MMS19: variants seen among roughly 807,000 people sequenced by gnomAD.
MMS19 encodes MMS19 cytosolic iron-sulfur assembly component, also known as MMS19 nucleotide excision repair protein homolog.
Under a neutral mutation model 129.8 loss-of-function variants are expected in MMS19, and 77 were observed. The ratio of observed to expected loss-of-function variants is 0.59; its 90% CI spans 0.49 to 0.72. The LOEUF (loss-of-function observed/expected upper bound fraction) is 0.72, where lower values mean the gene tolerates loss of function less well. Among genes scored for constraint, MMS19 ranks in the 30% least tolerant of loss-of-function variants. The probability of loss-of-function intolerance (pLI) is 0.00; values close to 1 mark genes in which losing one functional copy is unlikely to be tolerated. For missense variants in MMS19, 1,168 were observed against 1,266.3 expected (o/e 0.92, Z 1.18); for synonymous variants, 491 against 502.8 (o/e 0.98, Z 0.31).
rs1400738623 is a variant in MMS19, at chr10:97,478,615, A to G, written c.263-226T>C. ...ATCCATTCTCATACAGGTCCACAGT[A>G]AAACCCATTCTCAGCCCAAAACTGC... On this transcript the variant is annotated intron_variant, in intron 3 of 30. Transcript: ENST00000438925. 2.6e-5 allele frequency among the ~76,000 whole-genome samples: 4 copies of G among 152,200 alleles called. No homozygotes were observed. The East Asian group carries it at 7.7e-4, about 29-fold the overall frequency.
rs1198052955 is a variant in MMS19 at position 97,476,379 on chromosome 10, C to T, written c.684+304G>A. On this transcript the variant is annotated intron_variant, in intron 8 of 30. Transcript: ENST00000438925. ...AACAGCTATAGTACTACTCATTTTC[C>T]TACCTAATCTCCTATTGTTACTTAA... is the stretch of plus-strand genomic sequence containing the variant. 2.0e-5 allele frequency among the ~76,000 whole-genome samples: 3 copies of T among 152,204 alleles called. No homozygotes were observed. The East Asian group carries it at 5.8e-4, about 29-fold the overall frequency.
At chr10:97,485,595 G>C (rs1246215067) in intron 1 of MMS19, among the ~76,000 whole-genome samples, 2 of 152,154 alleles carry the variant, frequency 1.3e-5, no homozygotes, top group South Asian at 4.1e-4. Flanking sequence ...ACAGGCATGA[G>C]CCACTGCACC....
chr10:97,470,055 C>A, intron 10 of MMS19, 74 bp downstream of exon 10: 1 of 1,071,748 alleles, frequency 9.3e-7, no homozygotes, highest in East Asian at 2.6e-5. Flanking sequence ...CTTGGCTATC[C>A]TAGAATCTAT....
chr10:97,462,691 C>T lies in MMS19; in HGVS notation c.1913-9G>A, dbSNP rs1276187567. The T allele has an allele frequency of 6.9e-6, 11 of 1,585,462 alleles. No individual in the cohort carries two copies. The South Asian group carries it at 1.2e-4, about 18-fold the overall frequency. On this transcript the variant is annotated splice_polypyrimidine_tract_variant and intron_variant, in intron 19 of 30. Coordinates refer to ENST00000438925, the MANE Select transcript of MMS19 (RefSeq NM_022362.5). ...AACTGAGGGCTCCTTCTCTGCAAAA[C>T]ACACACACATGCACACAATCACAAG...
Position 97,467,527 on chromosome 10 carries a change from CTGCT to C in MMS19, c.1271_1274del (p.Gln424ArgfsTer13). On this transcript the variant is annotated frameshift_variant, in exon 14 of 31. Coordinates refer to ENST00000438925, the MANE Select transcript of MMS19 (RefSeq NM_022362.5). LOFTEE classifies it high-confidence loss of function. ...CACCTTTGTCTTCATAGCTCCATTTCTGCTGCAGCTTCAAGAAACCCAGGAGCAT... is the reference window on the plus strand; with the variant it reads ...CACCTTTGTCTTCATAGCTCCATTTCGCAGCTTCAAGAAACCCAGGAGCAT... 1 of 1,613,978 alleles carries C rather than the reference CTGCT, an allele frequency of 6.2e-7. No homozygotes were observed. The highest frequency in any genetic ancestry group is 8.5e-7 in the Non-Finnish European group (1 of 1,179,858).
Position 97,467,565 on chromosome 10 carries a change from T to C in MMS19, c.1237A>G (p.Ile413Val), listed in dbSNP as rs531284050. 1.7e-5 allele frequency: 27 copies of C among 1,613,992 alleles called. No homozygotes were observed. In the East Asian group the frequency reaches 2.5e-4, roughly 15 times the overall value. Residue 413 changes from isoleucine (I) to valine (V), a missense_variant, in exon 14 of 31, where the codon ATC becomes GTC. Around this residue, in one of 3 missense-constraint regions of MMS19, gnomAD observed 831 missense variants for 910.8 expected, o/e 0.91. Transcript: ENST00000438925. Reference sequence around the variant, plus strand: ...AAGAAACCCAGGAGCATTTCAAGGATTGTCCGCCGCTGGCTGCTCTGTAAC... The same window carrying C: ...AAGAAACCCAGGAGCATTTCAAGGACTGTCCGCCGCTGGCTGCTCTGTAAC... ...KHSQSSQRRT[I>V]LEMLLGFLKL...
rs1310274480 is a variant in MMS19 at position 97,460,895 on chromosome 10, C to G, written c.2412+12G>C. 1 of 1,569,140 alleles carries G rather than the reference C, an allele frequency of 6.4e-7. No individual in the cohort carries two copies. Among genetic ancestry groups the G allele is most frequent in the Non-Finnish European group, 8.7e-7 (1 of 1,155,202 alleles). The stretch of plus-strand genomic sequence containing the variant: ...CCTCTCTGGCTAACCAGACTCCACT[C>G]CAACTCCTTACCCAGAGAAGAAGAG... On this transcript the variant is annotated intron_variant, in intron 24 of 30. Transcript: ENST00000438925.
At chr10:97,464,257 A>G (rs1049062078) in intron 18 of MMS19, among the ~76,000 whole-genome samples, 5 of 152,182 alleles carry the variant, frequency 3.3e-5, no homozygotes, top group African/African-American at 4.8e-5. Flanking sequence ...CTTATTTTTC[A>G]TAACAACCTT....
At chr10:97,460,617 G>A in intron 25 of MMS19, 78 bp downstream of exon 25, 1 of 1,175,308 alleles carries the variant, frequency 8.5e-7, no homozygotes. Flanking sequence ...AGGGGAGGAT[G>A]GAAGTCCTTG....
At chr10:97,493,879 G>A (rs1330927097) in intron 1 of MMS19, among the ~76,000 whole-genome samples, 2 of 152,094 alleles carry the variant, frequency 1.3e-5, no homozygotes, top group Non-Finnish European at 2.9e-5. Context: ...GCCGTGTGTG[G>A]TGATGCATGC....
chr10:97,484,601 T>C (rs987244514), intron 1 of MMS19, among the ~76,000 whole-genome samples: 2 of 152,088 alleles, frequency 1.3e-5, no homozygotes, highest in African/African-American at 4.8e-5. Context: ...TTTTTAAAAA[T>C]CATGGTAAAA....
intron 8 of MMS19, among the ~76,000 whole-genome samples, chr10:97,473,390 T>C (rs1161675843): frequency 1.3e-5 from 2 of 152,074 alleles, no homozygotes; most frequent in Non-Finnish European, 2.9e-5. Context: ...AGAGACAAGA[T>C]TGAAGGCATT....
In MMS19 at chr10:97,461,919, T is replaced by G. The variant is rs764987876; in HGVS notation, c.2116-23A>C. The G allele has an allele frequency of 4.4e-6, 7 of 1,591,968 alleles. No individual in the cohort carries two copies. In the South Asian group the frequency reaches 8.0e-5, roughly 18 times the overall value. ...ATCCTATAAAGGAAGGAGAGCCCGA[T>G]CAAGCCTGCCAGCAATAAGCTTGTC... On this transcript the variant is annotated intron_variant, in intron 21 of 30. Transcript: ENST00000438925.
At chr10:97,475,019 T>C (rs2035479247) in intron 8 of MMS19, among the ~76,000 whole-genome samples, 1 of 152,268 alleles carries the variant, frequency 6.6e-6, no homozygotes, top group South Asian at 2.1e-4. Flanking sequence ...TATATTCATA[T>C]GTATGAAAGT....
At chr10:97,479,870 G>A (rs2036433352) in intron 3 of MMS19, among the ~76,000 whole-genome samples, 1 of 151,822 alleles carries the variant, frequency 6.6e-6, no homozygotes, top group South Asian at 2.1e-4. Context: ...TAGGCAAATA[G>A]AGAGGAAAAG....
chr10:97,459,659 C>A lies in MMS19; in HGVS notation c.2739G>T (p.Thr913=). ...TAGAAGCTCTGCCTGTGGGACTTACCGTGGGCAGCTCTGGCAAGAGTACAG... is the reference window on the plus strand; with the variant it reads ...TAGAAGCTCTGCCTGTGGGACTTACAGTGGGCAGCTCTGGCAAGAGTACAG... The part of the protein sequence containing the change: ...PKPVLLPELP[T]LLSLLLEALS... The change falls in exon 27 of 31, where the codon ACG becomes ACT. Residue 913 remains threonine (T), a splice_region_variant and synonymous_variant. Coordinates refer to ENST00000438925, the MANE Select transcript of MMS19 (RefSeq NM_022362.5). 6.2e-7 allele frequency: 1 copy of A among 1,611,008 alleles called. No homozygotes were observed. The highest frequency in any genetic ancestry group is 8.5e-7 in the Non-Finnish European group (1 of 1,178,512).
chr10:97,484,174 A>T (rs1314151845), intron 1 of MMS19, 23 bp from the exon 2 acceptor site: 3 of 1,425,042 alleles, frequency 2.1e-6, no homozygotes, highest in Admixed American at 2.4e-5. Flanking sequence ...AAATAAATAA[A>T]TATGAAAAAT....
chr10:97,496,755 G>A (rs548983757), intron 1 of MMS19, among the ~76,000 whole-genome samples: 4 of 152,066 alleles, frequency 2.6e-5, no homozygotes, highest in African/African-American at 9.7e-5. Flanking sequence ...ATCAGTGAAC[G>A]TACACTTAAA....
intron 18 of MMS19, 65 bp downstream of exon 18, chr10:97,465,734 TAGAACC>T: frequency 6.9e-7 from 1 of 1,444,646 alleles, no homozygotes; most frequent in Non-Finnish European, 9.4e-7. Context: ...TAGCTACAGC[TAGAACC>T]ACTGCCTTAG....
Sources: allele counts gnomAD v4.1 joint callset (sites outside exome capture counted in the v4.1 genomes callset), GRCh38; gene constraint gnomAD v4.1.1; regional missense constraint gnomAD v4.1.1; transcripts MANE v1.5; gene names NCBI Gene and HGNC (gene_info 2026-07-23, HGNC 2026-07-21).